Variants in IGF2R observed in about 807,000 individuals in gnomAD.
IGF2R encodes cation-independent mannose-6-phosphate receptor.
Under a neutral mutation model 270.6 loss-of-function variants are expected in IGF2R, and 91 were observed. The ratio of observed to expected loss-of-function variants is 0.34; its 90% CI spans 0.28 to 0.40. The LOEUF (loss-of-function observed/expected upper bound fraction) is 0.40, where lower values mean the gene tolerates loss of function less well. Among genes scored for constraint, IGF2R ranks in the 10% least tolerant of loss-of-function variants. The pLI is 1.00. For synonymous variants in IGF2R, 1,316 were observed against 1,258.9 expected (o/e 1.05, Z -0.96); for missense variants, 2,805 against 3,188.3 (o/e 0.88, Z 2.90).
intron 41 of IGF2R, among the ~76,000 whole-genome samples, chr6:160,087,141 G>A (rs1222824600): frequency 6.6e-6 from 1 of 152,088 alleles, no homozygotes; most frequent in African/African-American, 2.4e-5. Context: ...TTCTTTTAAT[G>A]GGTCACTTTT....
At chr6:160,060,875 TTGAA>T (rs1352575577) in intron 23 of IGF2R, among the ~76,000 whole-genome samples, 158 bp downstream of exon 23, 3 of 152,214 alleles carry the variant, frequency 2.0e-5, no homozygotes, top group Non-Finnish European at 4.4e-5. Context: ...TATATTCTCT[TTGAA>T]TGATGCCTAG....
chr6:160,045,620 C>A, intron 13 of IGF2R, 125 bp from the exon 14 acceptor site: 1 of 1,150,414 alleles, frequency 8.7e-7, no homozygotes, highest in South Asian at 1.3e-5. Context: ...GTTTTTTGAC[C>A]CTTCTATGCA....
At chr6:160,089,819 C>T in intron 43 of IGF2R, 97 bp from the exon 44 acceptor site, 1 of 801,062 alleles carries the variant, frequency 1.2e-6, no homozygotes, top group Non-Finnish European at 1.9e-6. Context: ...AAGGAAGCAT[C>T]CTGGGGCCCT....
rs750245956 is a variant in IGF2R at position 160,061,904 on chromosome 6, C to G, written c.3558C>G (p.Ile1186Met). 2 of 1,614,026 alleles carry G rather than the reference C, an allele frequency of 1.2e-6. No homozygotes were observed. Among genetic ancestry groups the G allele is most frequent in the Admixed American group, 1.7e-5 (1 of 59,990 alleles). ...KCGNQRFSTR[I>M]TFECAQISGS... ...GGAACCAGCGCTTCTCCACCAGGAT[C>G]ACGTTTGAGTGTGCTCAGATATCGG... is the stretch of plus-strand genomic sequence containing the variant. Residue 1186 changes from isoleucine to methionine, a missense_variant, in exon 25 of 48, where the codon ATC becomes ATG. Transcript: ENST00000356956.
chr6:159,985,307 T>C (rs1247831985), intron 1 of IGF2R, among the ~76,000 whole-genome samples: 2 of 152,236 alleles, frequency 1.3e-5, no homozygotes, highest in Non-Finnish European at 2.9e-5. Context: ...GTTTACCTAA[T>C]TGGTTAAGGA....
intron 30 of IGF2R, among the ~76,000 whole-genome samples, chr6:160,068,909 C>T (rs1778651240): frequency 6.6e-6 from 1 of 152,138 alleles, no homozygotes; most frequent in African/African-American, 2.4e-5. Context: ...AACAGTTGAT[C>T]CCTAGTATGG....
At chr6:160,082,851 G>T (rs1437516673) in intron 39 of IGF2R, among the ~76,000 whole-genome samples, 1 of 152,218 alleles carries the variant, frequency 6.6e-6, no homozygotes, top group African/African-American at 2.4e-5. Flanking sequence ...CATGGGGAAG[G>T]CGTGCAGGAA....
chr6:160,078,238 T>C lies in IGF2R; in HGVS notation c.5354T>C (p.Phe1785Ser). 5 of 1,614,108 alleles carry C rather than the reference T, an allele frequency of 3.1e-6. No homozygotes were observed. The highest frequency in any genetic ancestry group is 4.2e-6 in the Non-Finnish European group (5 of 1,180,004). ...CTGTTAAGGACCAGCGAGTGCGACTTTGTGTTCGAATGGGAGACTCCTGTC... is the reference window on the plus strand; with the variant it reads ...CTGTTAAGGACCAGCGAGTGCGACTCTGTGTTCGAATGGGAGACTCCTGTC... ...PKLLRTSECD[F>S]VFEWETPVVC... The change falls in exon 37 of 48, where the codon TTT becomes TCT. Residue 1785 changes from phenylalanine (F) to serine (S), a missense_variant. Physicochemically the swap from Phe to Ser is radical, Grantham distance 155. Transcript: ENST00000356956.
chr6:160,061,903 T>A lies in IGF2R; in HGVS notation c.3557T>A (p.Ile1186Asn). The A allele has an allele frequency of 6.2e-7, 1 of 1,614,144 alleles. No homozygotes were observed. The highest frequency in any genetic ancestry group is 8.5e-7 in the Non-Finnish European group (1 of 1,180,020). ...GGGAACCAGCGCTTCTCCACCAGGA[T>A]CACGTTTGAGTGTGCTCAGATATCG... ...KCGNQRFSTR[I>N]TFECAQISGS... Residue 1186 changes from isoleucine to asparagine, a missense_variant, in exon 25 of 48, where the codon ATC (isoleucine) becomes AAC (asparagine). By Grantham distance (149) the Ile-to-Asn change is moderately radical. Around this residue, in one of 2 missense-constraint regions of IGF2R, gnomAD observed 1,851 missense variants for 2,207.2 expected, o/e 0.84. Transcript: ENST00000356956.
intron 2 of IGF2R, among the ~76,000 whole-genome samples, chr6:160,002,564 A>C (rs1028267778): frequency 2.6e-5 from 4 of 152,250 alleles, no homozygotes; most frequent in African/African-American, 9.6e-5. Flanking sequence ...GGTGAAAGAA[A>C]ATCTGTGTAT....
chr6:160,011,328 G>A (rs536453423), intron 4 of IGF2R, among the ~76,000 whole-genome samples: 1 of 152,182 alleles, frequency 6.6e-6, no homozygotes, highest in African/African-American at 2.4e-5. Context: ...GCTCACCTCA[G>A]AGACTAGATT....
chr6:160,043,253 G>T lies in IGF2R; in HGVS notation c.1586G>T (p.Arg529Leu), dbSNP rs6413489. Residue 529 changes from arginine (R) to leucine (L), a missense_variant, in exon 12 of 48, where the codon CGA (arginine) becomes CTA (leucine). Arg to Leu is a moderately radical substitution (Grantham distance 102). Coordinates refer to ENST00000356956, the MANE Select transcript of IGF2R (RefSeq NM_000876.4). ...AGAGTGCTGCAGGAAGGCAAGGCAC[G>T]AGGGTGTCCCGAGGACGCGGCAGTG... ...CHRVLQEGKA[R>L]GCPEDAAVCA... 2 of 1,614,238 alleles carry T rather than the reference G, an allele frequency of 1.2e-6. No homozygotes were observed. The highest frequency in any genetic ancestry group is 1.7e-6 in the Non-Finnish European group (2 of 1,180,040).
rs1778509683 is a variant in IGF2R, at chr6:160,064,392, T to C, written c.3887-9T>C. The stretch of plus-strand genomic sequence containing the variant: ...ACCAAACCTTGTTTAATGTTCTCCT[T>C]CTTTACAGGTCTCCTGACTCAGAAG... On this transcript the variant is annotated splice_polypyrimidine_tract_variant and intron_variant, in intron 27 of 47. Coordinates refer to ENST00000356956, the MANE Select transcript of IGF2R (RefSeq NM_000876.4). 1 of 1,613,982 alleles carries C rather than the reference T, an allele frequency of 6.2e-7. No homozygotes were observed. The highest frequency in any genetic ancestry group is 1.3e-5 in the African/African-American group (1 of 74,934).
At chr6:160,094,971 G>A (rs545623042) in intron 44 of IGF2R, 150 of 151,132 alleles carry the variant, frequency 9.9e-4, no homozygotes, top group African/African-American at 3.6e-3. Context: ...CACTTCTCTC[G>A]GGAGTATGAG....
rs780333000 is a variant in IGF2R, at chr6:160,010,730, T to G, written c.458T>G (p.Phe153Cys). 1 of 1,613,124 alleles carries G rather than the reference T, an allele frequency of 6.2e-7. No individual in the cohort carries two copies. The highest frequency in any genetic ancestry group is 8.5e-7 in the Non-Finnish European group (1 of 1,179,090). The change falls in exon 4 of 48, where the codon TTT (phenylalanine) becomes TGT (cysteine). Residue 153 changes from phenylalanine to cysteine, a missense_variant. This residue lies in a region of IGF2R where 954 missense variants were observed against 981.1 expected (regional missense o/e 0.97). Coordinates refer to ENST00000356956, the MANE Select transcript of IGF2R (RefSeq NM_000876.4). Reference protein sequence around the residue: ...FVTATECVHYFEWRTTAACKK... With the variant: ...FVTATECVHYCEWRTTAACKK... ...ACTGCAACAGAATGTGTGCACTACT[T>G]TGAGTGGAGGACCACTGCAGCCTGC...
chr6:159,975,229 A>G (rs1036913921), intron 1 of IGF2R, among the ~76,000 whole-genome samples: 30 of 152,188 alleles, frequency 2.0e-4, no homozygotes, highest in African/African-American at 6.5e-4. Context: ...TTAATTTGCT[A>G]GAGTGACTTA....
chr6:160,011,968 A>G (rs1784341811), intron 4 of IGF2R, among the ~76,000 whole-genome samples: 1 of 152,248 alleles, frequency 6.6e-6, no homozygotes, highest in Non-Finnish European at 1.5e-5. Flanking sequence ...GCCTAATACC[A>G]TGCAGTTTAA....
intron 2 of IGF2R, chr6:160,003,958 G>C (rs949662500): frequency 6.6e-6 from 1 of 152,114 alleles, no homozygotes; most frequent in East Asian, 1.9e-4. Context: ...GTCTCTCTGG[G>C]GGAACAGCCA....
chr6:160,024,772 C>T, intron 5 of IGF2R, 68 bp downstream of exon 5: 1 of 1,511,740 alleles, frequency 6.6e-7, no homozygotes, highest in Non-Finnish European at 9.1e-7. Context: ...ATATCTTTGC[C>T]TTTCTACCTT....
Sources: allele counts gnomAD v4.1 joint callset (sites outside exome capture counted in the v4.1 genomes callset), GRCh38; gene constraint gnomAD v4.1.1; regional missense constraint gnomAD v4.1.1; transcripts MANE v1.5; gene names NCBI Gene and HGNC (gene_info 2026-07-23, HGNC 2026-07-21).